The following TNFRSF11A variants were observed in gnomAD, a reference collection of about 807,000 sequenced individuals.
TNFRSF11A encodes the protein TNF receptor superfamily member 11a.
A neutral mutation model predicts 55.7 loss-of-function variants in TNFRSF11A; 32 were observed. That is an observed-to-expected ratio of 0.57 (90% CI 0.43 to 0.77). The LOEUF (loss-of-function observed/expected upper bound fraction) is 0.77. Among genes scored for constraint, TNFRSF11A ranks in the 30% least tolerant of loss-of-function variants. The probability of loss-of-function intolerance (pLI) is 0.00; values close to 1 mark genes in which losing one functional copy is unlikely to be tolerated. For missense variants in TNFRSF11A, 753 were observed against 809.8 expected (o/e 0.93, Z 0.85); for synonymous variants, 311 against 331.0 (o/e 0.94, Z 0.65).
chr18:62,342,600 C>T (rs2046330380), intron 1 of TNFRSF11A, among the ~76,000 whole-genome samples: 1 of 152,078 alleles, frequency 6.6e-6, no homozygotes, highest in Non-Finnish European at 1.5e-5. Context: ...AGGCACAGGA[C>T]TGTGCCATGA....
chr18:62,385,165 C>A lies in TNFRSF11A; in HGVS notation c.*131C>A. The A allele has an allele frequency of 9.3e-7, 1 of 1,077,948 alleles. No homozygotes were observed. The highest frequency in any genetic ancestry group is 1.7e-5 in the African/African-American group (1 of 59,592). The allele number at this position is 1,077,948 out of a possible 1,614,324, so 66.8% of individuals were successfully genotyped here. ...GAGGAAGACCACCCGGCATTCTCTG[C>A]CCACTTTGCCTTCCAGGAAATGGGC... On this transcript the variant is annotated 3_prime_UTR_variant, in exon 10 of 10. Transcript: ENST00000586569.
chr18:62,367,239 G>A (rs1291093165), intron 8 of TNFRSF11A, among the ~76,000 whole-genome samples: 1 of 152,182 alleles, frequency 6.6e-6, no homozygotes, highest in Non-Finnish European at 1.5e-5. Context: ...CAAAGCCCAA[G>A]TCCAGGCTCA....
At chr18:62,351,894 T>C (rs2046479071) in intron 3 of TNFRSF11A, among the ~76,000 whole-genome samples, 1 of 152,186 alleles carries the variant, frequency 6.6e-6, no homozygotes, top group Admixed American at 6.5e-5. Flanking sequence ...CCTCCCGGGT[T>C]CAAACGATTC....
chr18:62,326,814 A>G (rs1459659860), intron 1 of TNFRSF11A, among the ~76,000 whole-genome samples: 2 of 152,176 alleles, frequency 1.3e-5, no homozygotes, highest in African/African-American at 4.8e-5. Context: ...TGCATTGGTC[A>G]TTTCCAATTC....
chr18:62,359,254 A>T (rs190968162), intron 5 of TNFRSF11A, among the ~76,000 whole-genome samples: 1 of 152,360 alleles, frequency 6.6e-6, no homozygotes, highest in East Asian at 1.9e-4. Flanking sequence ...ATTAAAATAC[A>T]TAAATAAATG....
chr18:62,385,121 G>T lies in TNFRSF11A; in HGVS notation c.*87G>T. On this transcript the variant is annotated 3_prime_UTR_variant, in exon 10 of 10. Transcript: ENST00000586569. ...CCTCTGCCCCAGCCCCGGCCACCCA[G>T]GGATCGATCGGTACAGTCGAGGAAG... The T allele has an allele frequency of 7.4e-7, 1 of 1,342,584 alleles. No homozygotes were observed. 83.2% of individuals were successfully genotyped at this position (1,342,584 alleles called of 1,614,324 possible). A position where few individuals can be genotyped will look rare whatever the true frequency, so the allele number is the denominator to read the frequency against.
At chr18:62,354,093 A>G (rs953131391) in intron 3 of TNFRSF11A, among the ~76,000 whole-genome samples, 2 of 152,222 alleles carry the variant, frequency 1.3e-5, no homozygotes, top group African/African-American at 4.8e-5. Flanking sequence ...CAAAACATTC[A>G]ATGATCATCA....
intron 9 of TNFRSF11A, chr18:62,378,139 G>C (rs569933923): frequency 6.6e-6 from 1 of 152,350 alleles, no homozygotes; most frequent in Non-Finnish European, 1.5e-5. Context: ...TCAGATGTGA[G>C]CTCTCTGATG....
intron 3 of TNFRSF11A, among the ~76,000 whole-genome samples, 175 bp from the exon 4 acceptor site, chr18:62,354,216 G>A (rs1309352858): frequency 6.6e-6 from 1 of 152,234 alleles, no homozygotes; most frequent in Admixed American, 6.5e-5. Flanking sequence ...TCGTGCCAGT[G>A]CAGGAAGTGC....
intron 1 of TNFRSF11A, among the ~76,000 whole-genome samples, chr18:62,345,796 A>C (rs757971146): frequency 6.6e-6 from 1 of 152,254 alleles, no homozygotes; most frequent in Non-Finnish European, 1.5e-5. Context: ...AGTGAGGTAG[A>C]AGCTTAGGAG....
In TNFRSF11A at chr18:62,368,733, C is replaced by T. The variant is rs746724864; in HGVS notation, c.816C>T (p.His272=). Reference sequence around the variant, plus strand: ...CAGGTGACAGTTGTGTCAGTACACACACGGCAAACTTTGGTCAGCAGGGAG... The same window carrying T: ...CAGGTGACAGTTGTGTCAGTACACATACGGCAAACTTTGGTCAGCAGGGAG... ...ESSGDSCVST[H]TANFGQQGAC... The change falls in exon 9 of 10, where the codon CAC becomes CAT. Residue 272 remains histidine (H), a synonymous_variant. Coordinates refer to ENST00000586569, the MANE Select transcript of TNFRSF11A (RefSeq NM_003839.4). 3.7e-6 allele frequency: 6 copies of T among 1,614,094 alleles called. No individual in the cohort carries two copies. Among genetic ancestry groups the T allele is most frequent in the African/African-American group, 1.3e-5 (1 of 74,928 alleles).
intron 9 of TNFRSF11A, among the ~76,000 whole-genome samples, chr18:62,372,468 G>T (rs1403781920): frequency 6.6e-6 from 1 of 150,730 alleles, no homozygotes; most frequent in Non-Finnish European, 1.5e-5. Flanking sequence ...GGAGAAAGTT[G>T]GGGTGGTCTT....
chr18:62,356,527 T>C (rs1909268841), intron 4 of TNFRSF11A, among the ~76,000 whole-genome samples: 1 of 152,218 alleles, frequency 6.6e-6, no homozygotes, highest in Non-Finnish European at 1.5e-5. Context: ...TGGGTTCATT[T>C]TTGGACAAAA....
chr18:62,350,301 T>TTTA (rs2046447632), intron 3 of TNFRSF11A, among the ~76,000 whole-genome samples: 4 of 152,042 alleles, frequency 2.6e-5, no homozygotes, highest in African/African-American at 9.7e-5. Flanking sequence ...TTTATTTTTT[T>TTTA]AATTTATTTG....
In TNFRSF11A at chr18:62,325,814, G is replaced by C. The variant is rs1169105846; in HGVS notation, c.75+387G>C. ...GGCACCTCACTTGCGGCAGATAACC[G>C]TTCCCGATACGATTTCTCCCGGGTG... is the stretch of plus-strand genomic sequence containing the variant. On this transcript the variant is annotated intron_variant, in intron 1 of 9. Coordinates refer to ENST00000586569, the MANE Select transcript of TNFRSF11A (RefSeq NM_003839.4). The surrounding 1 kb of genome is among the most constrained non-coding windows in gnomAD (Gnocchi z 4.7). Among the ~76,000 whole-genome samples the C allele has an allele frequency of 6.6e-6, 1 of 152,244 alleles. No homozygotes were observed.
chr18:62,349,979 C>A (rs1244698656), intron 3 of TNFRSF11A, 42 bp downstream of exon 3: 1 of 1,610,976 alleles, frequency 6.2e-7, no homozygotes, highest in Non-Finnish European at 8.5e-7. Context: ...AGTGTAGAAA[C>A]CTCAGACCTC....
At chr18:62,347,819 G>A (rs769414513) in intron 1 of TNFRSF11A, among the ~76,000 whole-genome samples, 17 of 151,768 alleles carry the variant, frequency 1.1e-4, no homozygotes, top group Non-Finnish European at 1.9e-4. Flanking sequence ...CAGGAGAATC[G>A]CCTGAAACCA....
Position 62,361,667 on chromosome 18 carries a change from TC to T in TNFRSF11A, c.617-12del, listed in dbSNP as rs746265199. The T allele has an allele frequency of 6.8e-6, 11 of 1,606,446 alleles. No individual in the cohort carries two copies. The highest frequency in any genetic ancestry group is 9.4e-6 in the Non-Finnish European group (11 of 1,173,082). On this transcript the variant is annotated splice_polypyrimidine_tract_variant and intron_variant, in intron 6 of 9. Coordinates refer to ENST00000586569, the MANE Select transcript of TNFRSF11A (RefSeq NM_003839.4). ...ATCTTTACTACCATATTTCTCATTT[TC>T]TTCCAATACAGAACCCCATGTTTAC...
chr18:62,358,895 T>C (rs960736852), intron 5 of TNFRSF11A, among the ~76,000 whole-genome samples: 8 of 152,230 alleles, frequency 5.3e-5, no homozygotes, highest in African/African-American at 1.7e-4. Context: ...AAGTTCTTTA[T>C]TGATAGTCAT....
Sources: allele counts gnomAD v4.1 joint callset (sites outside exome capture counted in the v4.1 genomes callset), GRCh38; gene constraint gnomAD v4.1.1; non-coding constraint Gnocchi (gnomAD v3.1); transcripts MANE v1.5; gene names NCBI Gene and HGNC (gene_info 2026-07-23, HGNC 2026-07-21).